Variants in MTERF3 observed in about 807,000 individuals in gnomAD.
The protein encoded by MTERF3 is mitochondrial transcription termination factor 3.
A neutral mutation model predicts 40.5 loss-of-function variants in MTERF3; 40 were observed. The observed-to-expected ratio is 0.99, with a 90% CI of 0.77 to 1.29. MTERF3 has a LOEUF of 1.29. MTERF3 is among the 50% of genes most tolerant of loss of function. The pLI, the probability that MTERF3 is intolerant of heterozygous loss-of-function variation, is 0.00. For missense variants in MTERF3, 452 were observed against 478.2 expected (o/e 0.95, Z 0.51); for synonymous variants, 158 against 166.6 (o/e 0.95, Z 0.40).
intron 3 of MTERF3, among the ~76,000 whole-genome samples, chr8:96,256,344 A>G (rs1021532963): frequency 3.3e-5 from 5 of 152,176 alleles, no homozygotes; most frequent in African/African-American, 1.2e-4. Context: ...TCCACTCTGG[A>G]GAAATGAAAT....
At chr8:96,245,756 T>A (rs1810008862) in intron 6 of MTERF3, 104 bp downstream of exon 6, 2 of 899,354 alleles carry the variant, frequency 2.2e-6, no homozygotes, top group African/African-American at 1.7e-5. Context: ...TAACTTATTT[T>A]AAAGTCTAGT....
Position 96,239,776 on chromosome 8 carries a change from C to G in MTERF3, c.1060-91G>C, listed in dbSNP as rs1475687726. 5.7e-6 allele frequency: 5 copies of G among 876,914 alleles called. No homozygotes were observed. In the Admixed American group the frequency reaches 1.1e-4, roughly 20 times the overall value. The allele number at this position is 876,914 out of a possible 1,614,324, so 54.3% of individuals were successfully genotyped here. On this transcript the variant is annotated intron_variant, in intron 7 of 7. Coordinates refer to ENST00000287025, the MANE Select transcript of MTERF3 (RefSeq NM_015942.5). Reference sequence around the variant, plus strand: ...CTTGGCAAAAATTTTAATAGGTTAACCAATACCAAGTACTGACCATGTGTT... The same window carrying G: ...CTTGGCAAAAATTTTAATAGGTTAAGCAATACCAAGTACTGACCATGTGTT...
chr8:96,246,632 A>C (rs1279784748), intron 4 of MTERF3, among the ~76,000 whole-genome samples, 178 bp from the exon 5 acceptor site: 1 of 152,246 alleles, frequency 6.6e-6, no homozygotes, highest in Non-Finnish European at 1.5e-5. Context: ...AAACAAAACA[A>C]GCATTCACCC....
At chr8:96,250,086 A>G (rs1418830767) in intron 4 of MTERF3, among the ~76,000 whole-genome samples, 1 of 152,204 alleles carries the variant, frequency 6.6e-6, no homozygotes, top group Non-Finnish European at 1.5e-5. Flanking sequence ...TTATTTTCAC[A>G]AATTCAATAA....
chr8:96,240,247 C>CA lies in MTERF3; in HGVS notation c.1060-563dup, dbSNP rs955824608. On this transcript the variant is annotated intron_variant, in intron 7 of 7. Transcript: ENST00000287025. ...TGGGCAACAGAGTAAGACTCCATCT[C>CA]AAAAAAAAAAAAAAAGGCAAATCCT... 5.4e-3 allele frequency among the ~76,000 whole-genome samples: 557 copies of CA among 103,068 alleles called. 1 individual carries two copies. Among genetic ancestry groups the CA allele is most frequent in the East Asian group, 9.4e-3 (34 of 3,632 alleles). 67.6% of individuals were successfully genotyped at this position (103,068 alleles called of 152,430 possible).
chr8:96,250,639 A>AAGC (rs1563548736), intron 4 of MTERF3, among the ~76,000 whole-genome samples: 1 of 30,314 alleles, frequency 3.3e-5, no homozygotes, highest in Non-Finnish European at 7.8e-5. Context: ...GAAGAAGAAG[A>AAGC]AGAAGAAGAA....
At chr8:96,239,719 G>A in intron 7 of MTERF3, 34 bp from the exon 8 acceptor site, 1 of 1,497,938 alleles carries the variant, frequency 6.7e-7, no homozygotes. Context: ...AAAAAACACT[G>A]CACACGGGAG....
In MTERF3 at chr8:96,258,640, CAACTT is replaced by C. The variant is rs1332553488; in HGVS notation, c.46_50del (p.Lys16GlufsTer5). On this transcript the variant is annotated frameshift_variant, in exon 2 of 8. Coordinates refer to ENST00000287025, the MANE Select transcript of MTERF3 (RefSeq NM_015942.5). LOFTEE classifies it high-confidence loss of function. Reference sequence around the variant, plus strand: ...GTTGTGCAGCATTAATGAGGCTCCTCAACTTAACTGAGTTAAACCATCTGGGTATC... The same window carrying C: ...GTTGTGCAGCATTAATGAGGCTCCTCAACTGAGTTAAACCATCTGGGTATC... 1.2e-6 allele frequency: 2 copies of C among 1,613,938 alleles called. No homozygotes were observed. Among genetic ancestry groups the C allele is most frequent in the Non-Finnish European group, 8.5e-7 (1 of 1,179,846 alleles).
At position 96,250,840 on chromosome 8, in the gene MTERF3, C is replaced by T. The variant is rs1184771731; in HGVS notation, c.677+66G>A. The T allele has an allele frequency of 3.0e-5, 44 of 1,453,232 alleles. 1 individual carries two copies. Among genetic ancestry groups the T allele is most frequent in the Admixed American group, 2.7e-4 (12 of 44,874 alleles). 90.0% of individuals were successfully genotyped at this position (1,453,232 alleles called of 1,614,324 possible). ...TTGTGCAGCAGAGATTTAAAGAATACCTTCCACATATATTTCCTTCATAAC... is the reference window on the plus strand; with the variant it reads ...TTGTGCAGCAGAGATTTAAAGAATATCTTCCACATATATTTCCTTCATAAC... On this transcript the variant is annotated intron_variant, in intron 4 of 7. Coordinates refer to ENST00000287025, the MANE Select transcript of MTERF3 (RefSeq NM_015942.5).
In MTERF3 at chr8:96,258,751, A is replaced by G. The variant is rs375546060; in HGVS notation, c.-10-51T>C. 4.0e-4 allele frequency: 542 copies of G among 1,371,078 alleles called. 6 individuals carry two copies. The South Asian group carries it at 7.4e-3, about 19-fold the overall frequency. 84.9% of individuals were successfully genotyped at this position (1,371,078 alleles called of 1,614,324 possible). A position where few individuals can be genotyped will look rare whatever the true frequency, so the allele number is the denominator to read the frequency against. ...AAAGAAGAGAAATTTAATTTACTTAAATGTTTAAAACGGTATTCAAACAAC... is the reference window on the plus strand; with the variant it reads ...AAAGAAGAGAAATTTAATTTACTTAGATGTTTAAAACGGTATTCAAACAAC... On this transcript the variant is annotated intron_variant, in intron 1 of 7. Coordinates refer to ENST00000287025, the MANE Select transcript of MTERF3 (RefSeq NM_015942.5).
chr8:96,246,585 A>G, intron 4 of MTERF3, 131 bp from the exon 5 acceptor site: 1 of 716,914 alleles, frequency 1.4e-6, no homozygotes, highest in African/African-American at 1.8e-5. Flanking sequence ...TACTAACTAA[A>G]TAAAAGCATT....
At position 96,239,462 on chromosome 8, in the gene MTERF3, C is replaced by T; in HGVS notation, c.*29G>A. ...TTTATTCATATATATATTCACTTTA[C>T]AATACTGCATTTTAACATACATAAA... is the stretch of plus-strand genomic sequence containing the variant. On this transcript the variant is annotated 3_prime_UTR_variant, in exon 8 of 8. Transcript: ENST00000287025. The T allele has an allele frequency of 1.3e-6, 2 of 1,485,678 alleles. No individual in the cohort carries two copies. Among genetic ancestry groups the T allele is most frequent in the Non-Finnish European group, 1.8e-6 (2 of 1,094,496 alleles). The allele number at this position is 1,485,678 out of a possible 1,614,324, so 92.0% of individuals were successfully genotyped here. A position where few individuals can be genotyped will look rare whatever the true frequency, so the allele number is the denominator to read the frequency against.
chr8:96,258,664 G>A lies in MTERF3; in HGVS notation c.27C>T (p.Pro9=), dbSNP rs926564527. The A allele has an allele frequency of 1.2e-6, 2 of 1,609,614 alleles. No individual in the cohort carries two copies. Among genetic ancestry groups the A allele is most frequent in the Non-Finnish European group, 1.7e-6 (2 of 1,176,594 alleles). Residue 9 remains proline (P), a synonymous_variant, in exon 2 of 8, where the codon CCC becomes CCT. Coordinates refer to ENST00000287025, the MANE Select transcript of MTERF3 (RefSeq NM_015942.5). The part of the protein sequence containing the change: MALSAQQI[P]RWFNSVKLRS... The stretch of plus-strand genomic sequence containing the variant: ...TCAACTTAACTGAGTTAAACCATCT[G>A]GGTATCTGTTGGGCTGACAAAGCCA...
chr8:96,252,309 AATAG>A (rs567277063), intron 3 of MTERF3, among the ~76,000 whole-genome samples: 24 of 152,358 alleles, frequency 1.6e-4, no homozygotes, highest in African/African-American at 2.9e-4. Context: ...TTTCAAATCA[AATAG>A]ATAGACTATT....
intron 3 of MTERF3, among the ~76,000 whole-genome samples, chr8:96,255,229 C>G (rs964418793): frequency 6.6e-6 from 1 of 152,128 alleles, no homozygotes; most frequent in Non-Finnish European, 1.5e-5. Context: ...AGGACCTAAA[C>G]AAGGTAGTGA....
intron 7 of MTERF3, 103 bp downstream of exon 7, chr8:96,243,816 C>T: frequency 7.6e-7 from 1 of 1,311,080 alleles, no homozygotes; most frequent in Non-Finnish European, 1.1e-6. Context: ...TTGCGCCCTG[C>T]AAATTGTAAA....
Position 96,258,426 on chromosome 8 carries a change from G to C in MTERF3, c.265C>G (p.Pro89Ala), listed in dbSNP as rs745557221. The change falls in exon 2 of 8, where the codon CCT becomes GCT. Residue 89 changes from proline (P) to alanine (A), a missense_variant. Transcript: ENST00000287025. ...TTCTGTGACTGTTCATTCATGGAAG[G>C]AAGCAGACTGCTTTGGGCAGAATTA... is the stretch of plus-strand genomic sequence containing the variant. The part of the protein sequence containing the change: ...ENNSAQSSLL[P>A]SMNEQSQKTQ... 1 of 1,614,014 alleles carries C rather than the reference G, an allele frequency of 6.2e-7. No individual in the cohort carries two copies. The highest frequency in any genetic ancestry group is 8.5e-7 in the Non-Finnish European group (1 of 1,179,976).
intron 3 of MTERF3, among the ~76,000 whole-genome samples, chr8:96,252,438 C>CA (rs940670874): frequency 2.8e-4 from 42 of 151,228 alleles, no homozygotes; most frequent in African/African-American, 7.3e-4. Context: ...ACTAGAAAAA[C>CA]AAAAAAAATT....
intron 4 of MTERF3, among the ~76,000 whole-genome samples, chr8:96,250,641 GAAGAAGAAGAA>G (rs1563548751): frequency 1.9e-4 from 5 of 25,870 alleles, no homozygotes; most frequent in African/African-American, 8.9e-4. Flanking sequence ...AGAAGAAGAA[GAAGAAGAAGAA>G]GAAGAAGAAG....
Sources: gnomAD v4.1 joint callset for allele counts (sites outside exome capture counted in the v4.1 genomes callset) on GRCh38, gnomAD v4.1.1 for gene constraint, MANE v1.5 for transcripts, NCBI Gene and HGNC (gene_info 2026-07-23, HGNC 2026-07-21) for gene names.